Variants in COL25A1 observed in about 807,000 individuals in gnomAD.
The protein encoded by COL25A1 is collagen type XXV alpha 1 chain.
Under a neutral mutation model 128.4 loss-of-function variants are expected in COL25A1, and 103 were observed. The observed-to-expected ratio is 0.80, with a 90% CI of 0.68 to 0.94. The LOEUF is 0.94. COL25A1 is among the 40% of genes least tolerant of loss of function. COL25A1 has a pLI of 0.00. For synonymous variants in COL25A1, 279 were observed against 277.2 expected (o/e 1.01, Z -0.06); for missense variants, 745 against 840.0 (o/e 0.89, Z 1.40).
intron 6 of COL25A1, among the ~76,000 whole-genome samples, chr4:109,004,046 G>A (rs1194244226): frequency 1.3e-5 from 2 of 151,924 alleles, no homozygotes; most frequent in Non-Finnish European, 2.9e-5. Context: ...CCACAGCTGT[G>A]AGAATTGCTT....
rs546116289 is a variant in COL25A1, at chr4:108,817,196, C to T, written c.1962+201G>A. ...AGAAAAGATTAGATAGGGAAGGTTC[C>T]AAATTGCAGTGTTTGCTAAGAATTG... On this transcript the variant is annotated intron_variant, in intron 37 of 37. Transcript: ENST00000399132. Among the ~76,000 whole-genome samples the T allele has an allele frequency of 4.6e-5, 7 of 152,240 alleles. No homozygotes were observed. In the East Asian group the frequency reaches 1.2e-3, roughly 25 times the overall value.
chr4:109,254,495 ATATATATATATGTATG>A (rs1230223860), intron 3 of COL25A1, among the ~76,000 whole-genome samples: 5 of 111,142 alleles, frequency 4.5e-5, no homozygotes, highest in African/African-American at 2.4e-4. Context: ...ATATATATAT[ATATATATATATGTATG>A]TGTGTATATA....
chr4:109,077,004 A>G (rs1398619385), intron 3 of COL25A1, among the ~76,000 whole-genome samples: 1 of 152,162 alleles, frequency 6.6e-6, no homozygotes, highest in Non-Finnish European at 1.5e-5. Context: ...CCAGTTTCTA[A>G]GAGGCCATGG....
chr4:108,845,832 T>A (rs752164852), intron 28 of COL25A1, among the ~76,000 whole-genome samples: 2 of 152,190 alleles, frequency 1.3e-5, no homozygotes, highest in African/African-American at 2.4e-5. Context: ...TATTTTACAA[T>A]AACCAGTTAC....
intron 3 of COL25A1, among the ~76,000 whole-genome samples, chr4:109,226,128 A>ACAGAAATT (rs1220388044): frequency 1.3e-5 from 2 of 152,166 alleles, no homozygotes; most frequent in East Asian, 1.9e-4. Flanking sequence ...TAAGTCAGAA[A>ACAGAAATT]CAGAAATTCA....
chr4:109,205,091 G>C (rs185046736), intron 3 of COL25A1, among the ~76,000 whole-genome samples: 1 of 152,036 alleles, frequency 6.6e-6, no homozygotes, highest in Non-Finnish European at 1.5e-5. Flanking sequence ...ATTCATTATC[G>C]TAATGGTTCA....
intron 19 of COL25A1, among the ~76,000 whole-genome samples, chr4:108,870,061 T>C (rs1039397496): frequency 1.3e-5 from 2 of 152,046 alleles, no homozygotes; most frequent in Non-Finnish European, 2.9e-5. Flanking sequence ...GAGACCAGCC[T>C]GGGCAACATA....
At chr4:108,944,100 T>C (rs766242251) in intron 8 of COL25A1, among the ~76,000 whole-genome samples, 4 of 152,202 alleles carry the variant, frequency 2.6e-5, no homozygotes, top group Non-Finnish European at 5.9e-5. Flanking sequence ...CTCTAATGCC[T>C]TTGACTCTCA....
rs555293147 is a variant in COL25A1 at position 109,243,543 on chromosome 4, T to C, written c.367+57040A>G. 1.3e-3 allele frequency among the ~76,000 whole-genome samples: 202 copies of C among 152,120 alleles called. 4 individuals carry two copies. The highest frequency in any genetic ancestry group is 9.3e-3 in the South Asian group (45 of 4,822). On this transcript the variant is annotated intron_variant, in intron 3 of 37. Coordinates refer to ENST00000399132, the MANE Select transcript of COL25A1 (RefSeq NM_198721.4). Reference sequence around the variant, plus strand: ...GTAGGTAGTATCTATTAGGAAAGAATAAAGAAACTAGGATTATTCCACCTG... The same window carrying C: ...GTAGGTAGTATCTATTAGGAAAGAACAAAGAAACTAGGATTATTCCACCTG...
chr4:109,237,532 G>GT (rs1351973094), intron 3 of COL25A1, among the ~76,000 whole-genome samples: 19 of 151,276 alleles, frequency 1.3e-4, no homozygotes, highest in African/African-American at 4.6e-4. Context: ...GAGAGTTGCC[G>GT]TAAGGGTTAT....
chr4:109,236,226 A>G (rs1779472087), intron 3 of COL25A1, among the ~76,000 whole-genome samples: 3 of 152,120 alleles, frequency 2.0e-5, no homozygotes, highest in African/African-American at 7.2e-5. Flanking sequence ...ACTTTAAATT[A>G]GAAGCTCCCA....
At chr4:109,159,824 T>G (rs1772385428) in intron 3 of COL25A1, among the ~76,000 whole-genome samples, 2 of 152,080 alleles carry the variant, frequency 1.3e-5, no homozygotes, top group Non-Finnish European at 2.9e-5. Context: ...AGAAGAAATA[T>G]TCGTGAGCTA....
At chr4:108,969,510 T>G (rs752220718) in intron 8 of COL25A1, among the ~76,000 whole-genome samples, 1 of 152,248 alleles carries the variant, frequency 6.6e-6, no homozygotes, top group Non-Finnish European at 1.5e-5. Flanking sequence ...AAACTTCTTT[T>G]TATGTGAGAA....
intron 3 of COL25A1, among the ~76,000 whole-genome samples, chr4:109,058,207 A>G (rs147887918): frequency 1.7e-3 from 257 of 152,316 alleles, no homozygotes; most frequent in Non-Finnish European, 2.9e-3. Flanking sequence ...TCCCACACAT[A>G]AAGTGTTTCA....
intron 3 of COL25A1, among the ~76,000 whole-genome samples, chr4:109,245,312 G>A (rs1780187400): frequency 6.6e-6 from 1 of 152,148 alleles, no homozygotes; most frequent in Non-Finnish European, 1.5e-5. Flanking sequence ...CCTCTGGGTT[G>A]GGACTGGTAT....
At chr4:109,021,192 TGTTTCTG>T (rs1419627249) in intron 5 of COL25A1, among the ~76,000 whole-genome samples, 1 of 152,246 alleles carries the variant, frequency 6.6e-6, no homozygotes, top group East Asian at 1.9e-4. Flanking sequence ...CTGTGTCTCC[TGTTTCTG>T]GTGAGAAGAA....
At position 108,810,983 on chromosome 4, in the gene COL25A1, C is replaced by T. The variant is rs934718207; in HGVS notation, c.*2944G>A. 1 of 152,018 alleles carries T rather than the reference C, an allele frequency of 6.6e-6. No individual in the cohort carries two copies. Among genetic ancestry groups the T allele is most frequent in the Admixed American group, 6.6e-5 (1 of 15,256 alleles). The allele number at this position is 152,018 out of a possible 1,614,324, so 9.4% of individuals were successfully genotyped here. ...TCTAAAACACATATCAATTTGCTAT[C>T]CTTCAATGTTTTATTAGAAATAGAA... On this transcript the variant is annotated 3_prime_UTR_variant, in exon 38 of 38. Transcript: ENST00000399132.
chr4:109,027,376 G>A (rs113259843), intron 5 of COL25A1, among the ~76,000 whole-genome samples: 5,511 of 152,186 alleles, frequency 0.036, 159 homozygotes, highest in African/African-American at 0.081. Flanking sequence ...CTGACAGTGC[G>A]TCTGGACTAC....
chr4:109,038,561 A>G (rs978129237), intron 5 of COL25A1, among the ~76,000 whole-genome samples: 1 of 152,088 alleles, frequency 6.6e-6, no homozygotes. Flanking sequence ...TTTAGTCTTT[A>G]TCTTATTTGC....
Sources: allele counts gnomAD v4.1 joint callset (sites outside exome capture counted in the v4.1 genomes callset), GRCh38; gene constraint gnomAD v4.1.1; transcripts MANE v1.5; gene names NCBI Gene and HGNC (gene_info 2026-07-23, HGNC 2026-07-21).